Variants in FAM184B observed in about 807,000 individuals in gnomAD.
The protein encoded by FAM184B is protein FAM184B.
In FAM184B, 111 loss-of-function variants were observed where a neutral mutation model predicts 135.9. That is an observed-to-expected ratio of 0.82 (90% CI 0.70 to 0.96). The LOEUF (loss-of-function observed/expected upper bound fraction) is 0.96, where lower values mean the gene tolerates loss of function less well. Ranked by LOEUF, FAM184B falls within the 40% of genes least tolerant of loss-of-function variation. The pLI is 0.00. For missense variants in FAM184B, 1,375 were observed against 1,323.9 expected, an observed-to-expected ratio of 1.04 and a Z score of -0.60; for synonymous variants, 552 against 524.8, an observed-to-expected ratio of 1.05 and a Z score of -0.71.
intron 14 of FAM184B, among the ~76,000 whole-genome samples, chr4:17,638,993 C>T (rs1324125567): frequency 6.6e-6 from 1 of 152,072 alleles, no homozygotes; most frequent in Non-Finnish European, 1.5e-5. Flanking sequence ...TGTGCCACCA[C>T]ACCTGTAATT....
intron 1 of FAM184B, among the ~76,000 whole-genome samples, chr4:17,754,338 G>T (rs1223603659): frequency 2.0e-5 from 3 of 152,082 alleles, no homozygotes; most frequent in Admixed American, 2.0e-4. Context: ...GATCACCTGA[G>T]TTCGGCAGTT....
intron 17 of FAM184B, 62 bp from the exon 18 acceptor site, chr4:17,632,687 C>A: frequency 9.1e-7 from 1 of 1,094,478 alleles, no homozygotes; most frequent in South Asian, 1.4e-5. Context: ...CAGCTTAATA[C>A]CCACCATCTT....
At chr4:17,733,722 A>T (rs1004134212) in intron 1 of FAM184B, among the ~76,000 whole-genome samples, 1 of 152,210 alleles carries the variant, frequency 6.6e-6, no homozygotes, top group African/African-American at 2.4e-5. Flanking sequence ...CATGGGTAGG[A>T]AGAATCAATA....
At chr4:17,758,808 A>G (rs148320472) in intron 1 of FAM184B, among the ~76,000 whole-genome samples, 2 of 152,126 alleles carry the variant, frequency 1.3e-5, no homozygotes, top group Non-Finnish European at 2.9e-5. Flanking sequence ...GCACTGGCAC[A>G]TCGATCGTGG....
At chr4:17,665,766 T>A (rs1438945915) in intron 7 of FAM184B, among the ~76,000 whole-genome samples, 1 of 152,178 alleles carries the variant, frequency 6.6e-6, no homozygotes, top group Non-Finnish European at 1.5e-5. Context: ...TCAAGACCAA[T>A]GAAGACCTCC....
intron 7 of FAM184B, among the ~76,000 whole-genome samples, chr4:17,665,096 T>G (rs1458321091): frequency 6.6e-6 from 1 of 152,192 alleles, no homozygotes; most frequent in Non-Finnish European, 1.5e-5. Flanking sequence ...TTGTTAAGCC[T>G]GCTGCACGGG....
intron 11 of FAM184B, among the ~76,000 whole-genome samples, chr4:17,650,994 C>T (rs1715600727): frequency 6.6e-6 from 1 of 152,094 alleles, no homozygotes; most frequent in African/African-American, 2.4e-5. Context: ...CCTTGGCCTC[C>T]CAAAGTGCTG....
chr4:17,743,816 A>T (rs915710932), intron 1 of FAM184B, among the ~76,000 whole-genome samples: 1 of 152,228 alleles, frequency 6.6e-6, no homozygotes, highest in Non-Finnish European at 1.5e-5. Flanking sequence ...TTGATAAACA[A>T]CCACTAACTT....
At chr4:17,641,459 CTCTTTTTTTTTT>C (rs563585349) in intron 13 of FAM184B, among the ~76,000 whole-genome samples, 1 of 90,234 alleles carries the variant, frequency 1.1e-5, no homozygotes, top group African/African-American at 4.1e-5. Context: ...ACAGGACTCC[CTCTTTTTTTTTT>C]TTTTTTTTTT....
chr4:17,727,368 T>C (rs1437030735), intron 1 of FAM184B, among the ~76,000 whole-genome samples: 1 of 152,212 alleles, frequency 6.6e-6, no homozygotes, highest in Non-Finnish European at 1.5e-5. Context: ...TCTCAAGCAG[T>C]GTGAACTTAG....
At chr4:17,754,228 C>T (rs929403942) in intron 1 of FAM184B, among the ~76,000 whole-genome samples, 4 of 152,020 alleles carry the variant, frequency 2.6e-5, no homozygotes, top group Non-Finnish European at 2.9e-5. Context: ...CATATACACC[C>T]GTGCACACAT....
intron 1 of FAM184B, among the ~76,000 whole-genome samples, chr4:17,714,478 C>A (rs111725471): frequency 6.6e-6 from 1 of 152,102 alleles, no homozygotes; most frequent in African/African-American, 2.4e-5. Context: ...GAGAAGGCCA[C>A]CTACTCCCTC....
chr4:17,645,736 TTAAAC>T (rs1330042885), intron 12 of FAM184B, among the ~76,000 whole-genome samples: 3,562 of 151,954 alleles, frequency 0.023, 111 homozygotes, highest in African/African-American at 0.082. Context: ...TGGGATCTAA[TTAAAC>T]TAAAGAGCTT....
chr4:17,735,471 T>G (rs1560189149), intron 1 of FAM184B, among the ~76,000 whole-genome samples: 1 of 152,206 alleles, frequency 6.6e-6, no homozygotes, highest in African/African-American at 2.4e-5. Flanking sequence ...AAATATTTTT[T>G]AAACCCTGAC....
chr4:17,781,168 C>G lies in FAM184B; in HGVS notation c.132G>C (p.Gln44His). The G allele has an allele frequency of 6.5e-7, 1 of 1,545,644 alleles. No individual in the cohort carries two copies. The highest frequency in any genetic ancestry group is 8.7e-7 in the Non-Finnish European group (1 of 1,144,202). Reference protein sequence around the residue: ...MHVKMCKKIAQLTKVIYALNT... With the variant: ...MHVKMCKKIAHLTKVIYALNT... ...CTGCGCCCCACCTTACCTTGGTGAGCTGGGCGATCTTCTTGCACATTTTCA... is the reference window on the plus strand; with the variant it reads ...CTGCGCCCCACCTTACCTTGGTGAGGTGGGCGATCTTCTTGCACATTTTCA... Residue 44 changes from glutamine (Q) to histidine (H), a missense_variant, in exon 1 of 18, where the codon CAG (glutamine) becomes CAC (histidine). Coordinates refer to ENST00000265018, the MANE Select transcript of FAM184B (RefSeq NM_015688.2). This position sits in a 1 kb window ranked among gnomAD's most constrained non-coding sequence, Gnocchi z 6.5.
chr4:17,670,585 T>C (rs1258916972), intron 7 of FAM184B, among the ~76,000 whole-genome samples: 21 of 152,188 alleles, frequency 1.4e-4, no homozygotes, highest in Non-Finnish European at 2.9e-5. Context: ...GGGAGAGGAC[T>C]GAAAACACTA....
chr4:17,699,598 T>C (rs2108961549), intron 5 of FAM184B, among the ~76,000 whole-genome samples: 1 of 152,210 alleles, frequency 6.6e-6, no homozygotes, highest in Middle Eastern at 3.4e-3. Context: ...TAGAATTCTA[T>C]ATCCAGTAAA....
In FAM184B at chr4:17,664,218, C is replaced by A. The variant is rs77768056; in HGVS notation, c.1694+344G>T. Among the ~76,000 whole-genome samples the A allele has an allele frequency of 4.7e-3, 717 of 152,246 alleles. 9 individuals carry two copies. Among genetic ancestry groups the A allele is most frequent in the African/African-American group, 0.017 (688 of 41,534 alleles). ...ATAGGTGGGGATTTCCTCAGGATCA[C>A]AAAGCTTCCTTATACCCCCTAATTA... On this transcript the variant is annotated intron_variant, in intron 8 of 17. Coordinates refer to ENST00000265018, the MANE Select transcript of FAM184B (RefSeq NM_015688.2).
Position 17,733,123 on chromosome 4 carries a change from A to C in FAM184B, c.142-23479T>G, listed in dbSNP as rs1336973227. Among the ~76,000 whole-genome samples, 4 of 152,238 alleles carry C rather than the reference A, an allele frequency of 2.6e-5. No individual in the cohort carries two copies. In the East Asian group the frequency reaches 7.7e-4, roughly 29 times the overall value. On this transcript the variant is annotated intron_variant, in intron 1 of 17. Transcript: ENST00000265018. ...TCAATAGATGCAGAAAAGGCCTTTGACAAAATTCAACAACCCTTCATGCTA... is the reference window on the plus strand; with the variant it reads ...TCAATAGATGCAGAAAAGGCCTTTGCCAAAATTCAACAACCCTTCATGCTA...
Sources: allele counts gnomAD v4.1 joint callset (sites outside exome capture counted in the v4.1 genomes callset), GRCh38; gene constraint gnomAD v4.1.1; non-coding constraint Gnocchi (gnomAD v3.1); transcripts MANE v1.5; gene names NCBI Gene and HGNC (gene_info 2026-07-23, HGNC 2026-07-21).